GSTCD: variants seen among roughly 807,000 people sequenced by gnomAD.
GSTCD encodes the protein glutathione S-transferase C-terminal domain-containing protein.
A neutral mutation model predicts 68.3 loss-of-function variants in GSTCD; 44 were observed. The ratio of observed to expected loss-of-function variants is 0.64; its 90% CI spans 0.51 to 0.83. The LOEUF is 0.83. GSTCD is among the 40% of genes least tolerant of loss of function. The probability of loss-of-function intolerance (pLI) is 0.00; values close to 1 mark genes in which losing one functional copy is unlikely to be tolerated. For synonymous variants in GSTCD, 273 were observed against 255.2 expected, an observed-to-expected ratio of 1.07 and a Z score of -0.67; for missense variants, 739 against 735.9, an observed-to-expected ratio of 1.00 and a Z score of -0.05.
chr4:105,786,782 G>A (rs538538322), intron 5 of GSTCD, among the ~76,000 whole-genome samples: 12 of 152,104 alleles, frequency 7.9e-5, no homozygotes, highest in East Asian at 1.9e-4. Context: ...AATCAAAACC[G>A]TAATGAGATA....
At chr4:105,785,068 A>G (rs115832794) in intron 5 of GSTCD, among the ~76,000 whole-genome samples, 28 of 152,284 alleles carry the variant, frequency 1.8e-4, no homozygotes, top group African/African-American at 6.3e-4. Flanking sequence ...GTTTGTGTAT[A>G]TGTTTGTGTG....
intron 5 of GSTCD, among the ~76,000 whole-genome samples, chr4:105,783,808 A>G (rs994521098): frequency 6.6e-6 from 1 of 152,178 alleles, no homozygotes; most frequent in African/African-American, 2.4e-5. Context: ...ATTATATTGT[A>G]TGTAGTTTTC....
At chr4:105,813,025 G>A (rs1026387468) in intron 5 of GSTCD, among the ~76,000 whole-genome samples, 1 of 152,114 alleles carries the variant, frequency 6.6e-6, no homozygotes, top group Admixed American at 6.5e-5. Context: ...TATGTTTTCT[G>A]GGGTGGTAGG....
chr4:105,803,287 G>C (rs1486296662), intron 5 of GSTCD, among the ~76,000 whole-genome samples: 1 of 151,988 alleles, frequency 6.6e-6, no homozygotes, highest in Admixed American at 6.6e-5. Flanking sequence ...CAGTTCTACA[G>C]GGGAAATATT....
chr4:105,769,230 CG>C (rs1414088767), intron 5 of GSTCD, among the ~76,000 whole-genome samples: 3 of 45,650 alleles, frequency 6.6e-5, no homozygotes, highest in African/African-American at 8.6e-5. Flanking sequence ...ACTATACACG[CG>C]CGCACACACA....
chr4:105,757,657 T>C (rs929287442), intron 5 of GSTCD, among the ~76,000 whole-genome samples: 2 of 152,206 alleles, frequency 1.3e-5, no homozygotes, highest in Non-Finnish European at 1.5e-5. Context: ...TTTATATCTC[T>C]GTATCAAAAA....
At chr4:105,742,944 TTC>T (rs1419948870) in intron 5 of GSTCD, among the ~76,000 whole-genome samples, 1 of 151,392 alleles carries the variant, frequency 6.6e-6, no homozygotes, top group Non-Finnish European at 1.5e-5. Flanking sequence ...CTTTTGTAAT[TTC>T]TCTCTCTTTT....
At chr4:105,751,743 TAG>T (rs1734016351) in intron 5 of GSTCD, among the ~76,000 whole-genome samples, 1 of 151,870 alleles carries the variant, frequency 6.6e-6, no homozygotes, top group African/African-American at 2.4e-5. Context: ...GAAGGAGAAG[TAG>T]GGGAAATTCT....
chr4:105,778,315 TTATAG>T (rs1735150662), intron 5 of GSTCD, among the ~76,000 whole-genome samples: 1 of 152,142 alleles, frequency 6.6e-6, no homozygotes, highest in African/African-American at 2.4e-5. Flanking sequence ...AAAAACTCAC[TTATAG>T]TATATATGTG....
chr4:105,719,610 T>G, intron 3 of GSTCD, 83 bp downstream of exon 3: 1 of 931,776 alleles, frequency 1.1e-6, no homozygotes, highest in Non-Finnish European at 1.7e-6. Context: ...TTTTACTTTT[T>G]ATTGTCAATA....
chr4:105,814,823 G>A (rs886849070), intron 5 of GSTCD, among the ~76,000 whole-genome samples: 1 of 152,042 alleles, frequency 6.6e-6, no homozygotes, highest in Non-Finnish European at 1.5e-5. Context: ...TTGCTGCTGA[G>A]ATCCTAACAT....
In GSTCD at chr4:105,719,191, T is replaced by C. The variant is rs1216667588; in HGVS notation, c.558T>C (p.Pro186=). ...ILQLEKKLSE[P]VRVHNDDKLR... ...AGCTAGAGAAAAAGCTTAGTGAGCC[T>C]GTTAGAGTGCATAATGATGATAAAC... is the stretch of plus-strand genomic sequence containing the variant. Residue 186 remains proline, a synonymous_variant, in exon 3 of 12, where the codon CCT becomes CCC. Transcript: ENST00000515279. The C allele has an allele frequency of 6.2e-7, 1 of 1,614,064 alleles. No individual in the cohort carries two copies. The highest frequency in any genetic ancestry group is 1.7e-5 in the Admixed American group (1 of 59,986).
chr4:105,825,672 G>A lies in GSTCD; in HGVS notation c.1402G>A (p.Val468Ile), dbSNP rs1723567323. The A allele has an allele frequency of 5.5e-6, 8 of 1,467,708 alleles. No homozygotes were observed. The highest frequency in any genetic ancestry group is 5.7e-6 in the Non-Finnish European group (6 of 1,052,042). The allele number at this position is 1,467,708 out of a possible 1,614,324, so 90.9% of individuals were successfully genotyped here. A position where few individuals can be genotyped will look rare whatever the true frequency, so the allele number is the denominator to read the frequency against. ...VLAHMLPSCQ[V>I]TLIENKELSL... ...CTATTGTTTTCTGGGTAAAATCTAG[G>A]TTACATTAATAGAAAACAAGGAATT... is the stretch of plus-strand genomic sequence containing the variant. The change falls in exon 8 of 12, where the codon GTT becomes ATT. Residue 468 changes from valine to isoleucine, a missense_variant and splice_region_variant. Val to Ile is a conservative substitution (Grantham distance 29). Transcript: ENST00000515279.
chr4:105,760,041 C>T (rs1339351400), intron 5 of GSTCD, among the ~76,000 whole-genome samples: 2 of 151,880 alleles, frequency 1.3e-5, no homozygotes, highest in African/African-American at 4.8e-5. Flanking sequence ...AGACAGGAAA[C>T]CTATGTGTTC....
chr4:105,768,189 G>A (rs1331082876), intron 5 of GSTCD, among the ~76,000 whole-genome samples: 1 of 151,782 alleles, frequency 6.6e-6, no homozygotes, highest in South Asian at 2.1e-4. Flanking sequence ...CACCACGCCC[G>A]GCTAATTTTT....
chr4:105,780,314 C>T (rs1164254511), intron 5 of GSTCD, among the ~76,000 whole-genome samples: 2 of 152,184 alleles, frequency 1.3e-5, no homozygotes, highest in African/African-American at 2.4e-5. Context: ...TCACAATATT[C>T]GCCTGCCTTG....
chr4:105,771,705 C>T (rs1322088660), intron 5 of GSTCD, among the ~76,000 whole-genome samples: 3 of 152,086 alleles, frequency 2.0e-5, no homozygotes, highest in Admixed American at 2.0e-4. Context: ...CTTCTGAGGC[C>T]TCTGTTCTGT....
chr4:105,822,212 A>G (rs1206425061), intron 5 of GSTCD, among the ~76,000 whole-genome samples: 2 of 152,050 alleles, frequency 1.3e-5, no homozygotes, highest in Non-Finnish European at 2.9e-5. Context: ...TTGAAAGGAA[A>G]GTTAAGATGT....
intron 5 of GSTCD, among the ~76,000 whole-genome samples, chr4:105,785,008 T>A (rs1735411000): frequency 6.6e-6 from 1 of 152,304 alleles, no homozygotes; most frequent in African/African-American, 2.4e-5. Flanking sequence ...ACTGGTATGC[T>A]ACTGCTTTTA....
Sources: gnomAD v4.1 joint callset for allele counts (sites outside exome capture counted in the v4.1 genomes callset) on GRCh38, gnomAD v4.1.1 for gene constraint, MANE v1.5 for transcripts, NCBI Gene and HGNC (gene_info 2026-07-23, HGNC 2026-07-21) for gene names.